Variants in PFN1 observed in about 807,000 individuals in gnomAD.
PFN1 encodes profilin-1.
A neutral mutation model predicts 11.7 loss-of-function variants in PFN1; 2 were observed. That is an observed-to-expected ratio of 0.17 (90% confidence interval 0.07 to 0.54). The LOEUF (loss-of-function observed/expected upper bound fraction) is 0.54. PFN1 is among the 20% of genes least tolerant of loss of function. PFN1 has a pLI of 0.94. For missense variants in PFN1, 97 were observed against 188.4 expected (o/e 0.51, Z 2.84); for synonymous variants, 78 against 76.2 (o/e 1.02, Z -0.12).
Position 4,945,793 on chromosome 17 carries a change from T to A in PFN1, c.*107A>T, listed in dbSNP as rs570221126. The A allele has an allele frequency of 8.3e-6, 6 of 721,292 alleles. No homozygotes were observed. In the Admixed American group the frequency reaches 8.4e-5, roughly 10 times the overall value. 44.7% of individuals were successfully genotyped at this position (721,292 alleles called of 1,614,324 possible). ...CCAGCCCATGTGGTTTTGGCAGCAATAAGGGGTATGGGGTAATGGCCCAAA... is the reference window on the plus strand; with the variant it reads ...CCAGCCCATGTGGTTTTGGCAGCAAAAAGGGGTATGGGGTAATGGCCCAAA... On this transcript the variant is annotated 3_prime_UTR_variant, in exon 3 of 3. Transcript: ENST00000225655.
intron 1 of PFN1, 136 bp from the exon 2 acceptor site, chr17:4,946,956 C>T: frequency 4.8e-6 from 3 of 624,638 alleles, no homozygotes; most frequent in Non-Finnish European, 8.1e-6. Flanking sequence ...ATACTCAGTA[C>T]ACATCAATGA....
Position 4,945,786 on chromosome 17 carries a change from G to C in PFN1, c.*114C>G. ...CTGGCCCCCAGCCCATGTGGTTTTG[G>C]CAGCAATAAGGGGTATGGGGTAATG... On this transcript the variant is annotated 3_prime_UTR_variant, in exon 3 of 3. Transcript: ENST00000225655. The C allele has an allele frequency of 1.5e-6, 1 of 685,734 alleles. No homozygotes were observed. The highest frequency in any genetic ancestry group is 2.6e-6 in the Non-Finnish European group (1 of 378,704). 42.5% of individuals were successfully genotyped at this position (685,734 alleles called of 1,614,324 possible).
chr17:4,948,378 G>A lies in PFN1; in HGVS notation c.17C>T (p.Ala6Val), dbSNP rs768692269. 8 of 1,607,032 alleles carry A rather than the reference G, an allele frequency of 5.0e-6. No homozygotes were observed. The highest frequency in any genetic ancestry group is 6.8e-6 in the Non-Finnish European group (8 of 1,178,024). Residue 6 changes from alanine to valine, a missense_variant, in exon 1 of 3, where the codon GCC becomes GTC. Coordinates refer to ENST00000225655, the MANE Select transcript of PFN1 (RefSeq NM_005022.4). MAGWN[A>V]YIDNLMADGT... Reference sequence around the variant, plus strand: ...GTCCGCCATGAGGTTGTCGATGTAGGCGTTCCACCCGGCCATGGCGCTGCT... The same window carrying A: ...GTCCGCCATGAGGTTGTCGATGTAGACGTTCCACCCGGCCATGGCGCTGCT...
intron 1 of PFN1, chr17:4,947,448 C>A: frequency 6.9e-6 from 1 of 145,290 alleles, no homozygotes; most frequent in Non-Finnish European, 1.5e-5. Flanking sequence ...TTTCCCCCCT[C>A]CCCCTTTCAC....
intron 2 of PFN1, 96 bp from the exon 3 acceptor site, chr17:4,946,093 AACCC>A (rs1971382607): frequency 1.2e-6 from 1 of 865,952 alleles, no homozygotes; most frequent in Non-Finnish European, 1.9e-6. Context: ...TGGGGGCTGT[AACCC>A]AACCTCATCT....
chr17:4,948,513 C>T lies in PFN1; in HGVS notation c.-119G>A. 1 of 1,156,378 alleles carries T rather than the reference C, an allele frequency of 8.6e-7. No homozygotes were observed. The highest frequency in any genetic ancestry group is 1.1e-6 in the Non-Finnish European group (1 of 871,172). The allele number at this position is 1,156,378 out of a possible 1,614,324, so 71.6% of individuals were successfully genotyped here. A position where few individuals can be genotyped will look rare whatever the true frequency, so the allele number is the denominator to read the frequency against. ...TCGGGGCACGCGCTGCCGTCCGGAC[C>T]GCGGCTCCGCTCGCTGTGCAGCAGC... On this transcript the variant is annotated 5_prime_UTR_variant, in exon 1 of 3. Transcript: ENST00000225655.
intron 1 of PFN1, chr17:4,947,450 CCCT>C (rs1971425300): frequency 1.4e-5 from 2 of 147,136 alleles, no homozygotes; most frequent in Admixed American, 1.3e-4. Context: ...TCCCCCCTCC[CCCT>C]TTCACCCCAA....
intron 1 of PFN1, 71 bp downstream of exon 1, chr17:4,948,192 G>T: frequency 1.4e-6 from 2 of 1,415,118 alleles, no homozygotes; most frequent in Non-Finnish European, 1.9e-6. Flanking sequence ...GACCGCGCCC[G>T]CCCCCACCCA....
chr17:4,947,486 C>A (rs1323887195), intron 1 of PFN1: 1 of 150,688 alleles, frequency 6.6e-6, no homozygotes, highest in East Asian at 2.0e-4. Context: ...GGTCCCCTCC[C>A]GCCCGGAAAC....
chr17:4,948,475 G>A lies in PFN1; in HGVS notation c.-81C>T, dbSNP rs1437647878. ...GAGCTGCCTCGGCTGGCGGGCGGGG[G>A]GAGGCGGAGAGCTCGGGGCACGCGC... is the stretch of plus-strand genomic sequence containing the variant. On this transcript the variant is annotated 5_prime_UTR_variant, in exon 1 of 3. Coordinates refer to ENST00000225655, the MANE Select transcript of PFN1 (RefSeq NM_005022.4). 8.3e-6 allele frequency: 12 copies of A among 1,440,812 alleles called. No homozygotes were observed. The highest frequency in any genetic ancestry group is 1.8e-4 in the Middle Eastern group (1 of 5,498). The allele number at this position is 1,440,812 out of a possible 1,614,324, so 89.3% of individuals were successfully genotyped here. A position where few individuals can be genotyped will look rare whatever the true frequency, so the allele number is the denominator to read the frequency against.
Position 4,946,836 on chromosome 17 carries a change from A to G in PFN1, c.133-16T>C, listed in dbSNP as rs1208045379. ...CCTCAGCTGGCTGGAAGAGGAACCA[A>G]GCGCCCATCAAGTTAGTCAGTGCAC... On this transcript the variant is annotated splice_polypyrimidine_tract_variant and intron_variant, in intron 1 of 2. Transcript: ENST00000225655. The G allele has an allele frequency of 3.7e-6, 6 of 1,602,686 alleles. No homozygotes were observed. The South Asian group carries it at 6.7e-5, about 18-fold the overall frequency.
chr17:4,948,092 C>T (rs952845248), intron 1 of PFN1, 171 bp downstream of exon 1: 1 of 682,368 alleles, frequency 1.5e-6, no homozygotes. Context: ...ATAGGACCTA[C>T]GGGCAACTGA....
rs976747981 is a variant in PFN1, at chr17:4,948,115, C to CG, written c.132+147dup. On this transcript the variant is annotated intron_variant, in intron 1 of 2. Transcript: ENST00000225655. ...TACGGGCAACTGAGGGACCCACTCA[C>CG]GTGCAGCCGCCATTCGCGCCGCTTC... 16 of 904,006 alleles carry CG rather than the reference C, an allele frequency of 1.8e-5. No individual in the cohort carries two copies. The African/African-American group carries it at 2.8e-4, about 16-fold the overall frequency. The allele number at this position is 904,006 out of a possible 1,614,324, so 56.0% of individuals were successfully genotyped here. A position where few individuals can be genotyped will look rare whatever the true frequency, so the allele number is the denominator to read the frequency against.
At position 4,948,246 on chromosome 17, in the gene PFN1, C is replaced by T. The variant is rs765279496; in HGVS notation, c.132+17G>A. The T allele has an allele frequency of 1.0e-5, 16 of 1,593,330 alleles. 1 individual carries two copies. Among genetic ancestry groups the T allele is most frequent in the Middle Eastern group, 3.5e-4 (2 of 5,658 alleles). ...CAAACCGGAGCAGTGCCCCGGACCG[C>T]GCAGGCCTCGCAGTACCGTGATGTT... On this transcript the variant is annotated intron_variant, in intron 1 of 2. Coordinates refer to ENST00000225655, the MANE Select transcript of PFN1 (RefSeq NM_005022.4).
At chr17:4,946,585 A>G (rs1971401278) in intron 2 of PFN1, 43 bp downstream of exon 2, 2 of 1,494,808 alleles carry the variant, frequency 1.3e-6, no homozygotes, top group African/African-American at 1.4e-5. Context: ...GCGGTACATT[A>G]GAGATCTTGG....
rs1388628137 is a variant in PFN1, at chr17:4,946,931, C to T, written c.133-111G>A. On this transcript the variant is annotated intron_variant, in intron 1 of 2. Coordinates refer to ENST00000225655, the MANE Select transcript of PFN1 (RefSeq NM_005022.4). ...TCTGAGAACCACCCCGCCGTGGGGG[C>T]TAAGTATAAATTATATACTCAGTAC... The T allele has an allele frequency of 7.9e-6, 7 of 882,328 alleles. No homozygotes were observed. In the South Asian group the frequency reaches 1.2e-4, roughly 15 times the overall value. 54.7% of individuals were successfully genotyped at this position (882,328 alleles called of 1,614,324 possible). A position where few individuals can be genotyped will look rare whatever the true frequency, so the allele number is the denominator to read the frequency against.
intron 1 of PFN1, chr17:4,947,495 ACC>A (rs1380624563): frequency 7.3e-6 from 1 of 137,894 alleles, no homozygotes; most frequent in Non-Finnish European, 1.6e-5. Context: ...CCGCCCGGAA[ACC>A]CCCTTCCCCC....
In PFN1 at chr17:4,945,859, C is replaced by G. The variant is rs1190266656; in HGVS notation, c.*41G>C. 7.7e-7 allele frequency: 1 copy of G among 1,291,528 alleles called. No individual in the cohort carries two copies. Among genetic ancestry groups the G allele is most frequent in the African/African-American group, 1.5e-5 (1 of 68,740 alleles). 80.0% of individuals were successfully genotyped at this position (1,291,528 alleles called of 1,614,324 possible). Reference sequence around the variant, plus strand: ...TGTGTGTATGGGGAGGAAAGGGGTGCAAAGCTGTGGGGAGCGGTGAAGGGG... The same window carrying G: ...TGTGTGTATGGGGAGGAAAGGGGTGGAAAGCTGTGGGGAGCGGTGAAGGGG... On this transcript the variant is annotated 3_prime_UTR_variant, in exon 3 of 3. Transcript: ENST00000225655.
chr17:4,946,775 A>T lies in PFN1; in HGVS notation c.178T>A (p.Tyr60Asn), dbSNP rs1971406436. Residue 60 changes from tyrosine to asparagine, a missense_variant, in exon 2 of 3, where the codon TAC becomes AAC. Transcript: ENST00000225655. ...VLVGKDRSSF[Y>N]VNGLTLGGQK... ...CCCCCAAGTGTCAGCCCATTCACGT[A>T]AAAACTTGACCGGTCTTTGCCAACC... The T allele has an allele frequency of 6.2e-7, 1 of 1,613,764 alleles. No homozygotes were observed. The highest frequency in any genetic ancestry group is 1.3e-5 in the African/African-American group (1 of 74,912).
Sources: allele counts gnomAD v4.1 joint callset, GRCh38; gene constraint gnomAD v4.1.1; transcripts MANE v1.5; gene names NCBI Gene and HGNC (gene_info 2026-07-23, HGNC 2026-07-21).